The following ATP11A variants were observed in gnomAD, a reference collection of about 807,000 sequenced individuals.
ATP11A encodes ATPase phospholipid transporting 11A.
In ATP11A, 81 loss-of-function variants were observed where a neutral mutation model predicts 154.4. That is an observed-to-expected ratio of 0.52 (90% CI 0.44 to 0.63). The LOEUF (loss-of-function observed/expected upper bound fraction) is 0.63, where lower values mean the gene tolerates loss of function less well. Among genes scored for constraint, ATP11A ranks in the 30% least tolerant of loss-of-function variants. ATP11A has a pLI of 0.00. For missense variants in ATP11A, 1,316 were observed against 1,474.3 expected, an observed-to-expected ratio of 0.89 and a Z score of 1.76; for synonymous variants, 623 against 585.9, an observed-to-expected ratio of 1.06 and a Z score of -0.91.
chr13:112,740,679 G>T (rs1891459022), intron 1 of ATP11A, among the ~76,000 whole-genome samples: 1 of 152,222 alleles, frequency 6.6e-6, no homozygotes, highest in East Asian at 1.9e-4. Flanking sequence ...GCTGCCCAGG[G>T]AGCTCAGTTT....
intron 1 of ATP11A, among the ~76,000 whole-genome samples, chr13:112,777,970 GA>G (rs1353653839): frequency 1.3e-5 from 2 of 152,246 alleles, no homozygotes; most frequent in African/African-American, 4.8e-5. Context: ...TGGCCCCGAA[GA>G]AGGCACAGCC....
At chr13:112,830,183 C>T (rs951086967) in intron 12 of ATP11A, among the ~76,000 whole-genome samples, 16 of 152,132 alleles carry the variant, frequency 1.1e-4, no homozygotes, top group African/African-American at 3.9e-4. Flanking sequence ...GGTCATGTTT[C>T]CTAGAAATAT....
intron 14 of ATP11A, among the ~76,000 whole-genome samples, chr13:112,833,441 T>C (rs2140256884): frequency 6.6e-6 from 1 of 152,288 alleles, no homozygotes; most frequent in East Asian, 1.9e-4. Flanking sequence ...GCAGAGCTGG[T>C]GCGGGACCTC....
At chr13:112,726,048 C>T (rs1317552916) in intron 1 of ATP11A, among the ~76,000 whole-genome samples, 2 of 152,394 alleles carry the variant, frequency 1.3e-5, no homozygotes, top group East Asian at 3.9e-4. Context: ...GTAAACGCAG[C>T]TGGTGTCTAG....
intron 1 of ATP11A, among the ~76,000 whole-genome samples, chr13:112,751,531 G>A (rs994417930): frequency 1.4e-4 from 22 of 151,952 alleles, no homozygotes; most frequent in African/African-American, 5.1e-4. Context: ...GTGGTGACGC[G>A]CACCTGTAAT....
intron 12 of ATP11A, among the ~76,000 whole-genome samples, chr13:112,828,516 G>A (rs972747304): frequency 6.7e-6 from 1 of 148,386 alleles, no homozygotes; most frequent in Non-Finnish European, 1.5e-5. Context: ...GTTGAGTGTG[G>A]GGAAAGCGCC....
intron 1 of ATP11A, among the ~76,000 whole-genome samples, chr13:112,731,937 C>CG (rs67335042): frequency 0.24 from 19,683 of 82,232 alleles, 2,261 homozygotes; most frequent in African/African-American, 0.4. Flanking sequence ...GAAATGGGGG[C>CG]GGGGGGGGGC....
intron 1 of ATP11A, among the ~76,000 whole-genome samples, chr13:112,701,293 C>T (rs1886495640): frequency 6.6e-6 from 1 of 152,208 alleles, no homozygotes; most frequent in Non-Finnish European, 1.5e-5. Context: ...CAGTTAGGCT[C>T]AGGCACAGCT....
At chr13:112,726,341 C>T (rs1198836709) in intron 1 of ATP11A, among the ~76,000 whole-genome samples, 3 of 149,328 alleles carry the variant, frequency 2.0e-5, no homozygotes, top group African/African-American at 7.5e-5. Context: ...GCCTGGGGGG[C>T]ACTGCATGCG....
At position 112,810,697 on chromosome 13, in the gene ATP11A, C is replaced by T; in HGVS notation, c.412C>T (p.Leu138Phe). ...TGTTCATTTCATTCAGCACGGCAAGCTCGTTCGGAAACAAAGTCGAAAGCT... is the reference window on the plus strand; with the variant it reads ...TGTTCATTTCATTCAGCACGGCAAGTTCGTTCGGAAACAAAGTCGAAAGCT... ...CPVHFIQHGK[L>F]VRKQSRKLRV... Residue 138 changes from leucine (L) to phenylalanine (F), a missense_variant, in exon 5 of 30, where the codon CTC (leucine) becomes TTC (phenylalanine). Coordinates refer to ENST00000375645, the MANE Select transcript of ATP11A (RefSeq NM_015205.3). The T allele has an allele frequency of 1.9e-6, 3 of 1,614,184 alleles. No homozygotes were observed. Among genetic ancestry groups the T allele is most frequent in the Non-Finnish European group, 2.5e-6 (3 of 1,180,022 alleles).
Position 112,690,455 on chromosome 13 carries a change from C to G in ATP11A, c.39C>G (p.Tyr13Ter). The change falls in exon 1 of 30, where the codon TAC becomes TAG. Residue 13 changes from tyrosine (Y) to a stop codon, truncating the protein, a stop_gained and splice_region_variant. Transcript: ENST00000375645. LOFTEE classifies it high-confidence loss of function. This position sits in a 1 kb window ranked among gnomAD's most constrained non-coding sequence, Gnocchi z 5.6. ...CSLVRTLVHR[Y>*]CAGEENWVDS... ...TCGTGCGGACGCTCGTGCACAGATA[C>G]GTGAGTGCTCCCGGCGCGGGCTGGG... is the stretch of plus-strand genomic sequence containing the variant. 1.5e-6 allele frequency: 2 copies of G among 1,351,672 alleles called. No individual in the cohort carries two copies. The highest frequency in any genetic ancestry group is 1.9e-6 in the Non-Finnish European group (2 of 1,049,374). The allele number at this position is 1,351,672 out of a possible 1,614,324, so 83.7% of individuals were successfully genotyped here. A position where few individuals can be genotyped will look rare whatever the true frequency, so the allele number is the denominator to read the frequency against.
intron 22 of ATP11A, 146 bp downstream of exon 22, chr13:112,858,436 T>C (rs1231468294): frequency 1.2e-6 from 1 of 825,850 alleles, no homozygotes; most frequent in African/African-American, 1.7e-5. Context: ...TGAATCTGAT[T>C]GCAGTCATCT....
chr13:112,814,190 A>G (rs2078580148), intron 5 of ATP11A, among the ~76,000 whole-genome samples: 2 of 151,914 alleles, frequency 1.3e-5, no homozygotes, highest in South Asian at 4.2e-4. Flanking sequence ...CAGCCTCCCA[A>G]GTAGCTGGGA....
chr13:112,874,804 C>T (rs1027996671), intron 27 of ATP11A, among the ~76,000 whole-genome samples: 1 of 152,158 alleles, frequency 6.6e-6, no homozygotes, highest in Admixed American at 6.5e-5. Flanking sequence ...GAGCCCAGCC[C>T]GGCTCTGGAG....
chr13:112,874,283 C>G (rs536218118), intron 27 of ATP11A, among the ~76,000 whole-genome samples: 2 of 152,176 alleles, frequency 1.3e-5, no homozygotes, highest in Non-Finnish European at 2.9e-5. Flanking sequence ...GAGAGGGGCC[C>G]GGACCAGGCT....
At position 112,828,219 on chromosome 13, in the gene ATP11A, G is replaced by A. The variant is rs34285071; in HGVS notation, c.1221+1328G>A. 6.2e-5 allele frequency among the ~76,000 whole-genome samples: 9 copies of A among 144,694 alleles called. No individual in the cohort carries two copies. In the East Asian group the frequency reaches 1.1e-3, roughly 18 times the overall value. 94.9% of individuals were successfully genotyped at this position (144,694 alleles called of 152,430 possible). On this transcript the variant is annotated intron_variant, in intron 12 of 29. Transcript: ENST00000375645. ...AGTGCGGGGGAAAGCGCCCAGCAGT[G>A]TTGAGTGCAGGGGAAAGCACCTAGC...
intron 2 of ATP11A, among the ~76,000 whole-genome samples, chr13:112,798,362 G>A (rs1014260868): frequency 2.0e-5 from 3 of 152,156 alleles, no homozygotes; most frequent in African/African-American, 7.2e-5. Flanking sequence ...AGAACTTCTG[G>A]GCTCAAGGGA....
At chr13:112,811,535 C>G (rs561430536) in intron 5 of ATP11A, 1 of 152,084 alleles carries the variant, frequency 6.6e-6, no homozygotes, top group Non-Finnish European at 1.5e-5. Flanking sequence ...AATATAAACT[C>G]GACTAGGTGG....
chr13:112,759,749 T>A (rs564550505), intron 1 of ATP11A, among the ~76,000 whole-genome samples: 12 of 152,360 alleles, frequency 7.9e-5, no homozygotes, highest in African/African-American at 2.6e-4. Context: ...TTTTTTCCTA[T>A]TTTGCCAAGA....
Sources: allele counts gnomAD v4.1 joint callset (sites outside exome capture counted in the v4.1 genomes callset), GRCh38; gene constraint gnomAD v4.1.1; non-coding constraint Gnocchi (gnomAD v3.1); transcripts MANE v1.5; gene names NCBI Gene and HGNC (gene_info 2026-07-23, HGNC 2026-07-21).